MED13L: variants seen among roughly 807,000 people sequenced by gnomAD.
MED13L encodes the protein mediator complex subunit 13L.
In MED13L, 7 loss-of-function variants were observed where a neutral mutation model predicts 220.9. That is an observed-to-expected ratio of 0.03 (90% CI 0.02 to 0.06). MED13L has a LOEUF of 0.06. MED13L is among the 10% of genes least tolerant of loss of function. MED13L has a pLI of 1.00. For synonymous variants in MED13L, 1,011 were observed against 1,015.2 expected, an observed-to-expected ratio of 1.00 and a Z score of 0.08; for missense variants, 1,965 against 2,760.5, an observed-to-expected ratio of 0.71 and a Z score of 6.46.
chr12:116,074,576 T>C (rs1050342293), intron 4 of MED13L, among the ~76,000 whole-genome samples: 1 of 152,244 alleles, frequency 6.6e-6, no homozygotes, highest in Non-Finnish European at 1.5e-5. Context: ...GAAATGTATC[T>C]GTCCTCCAAA....
intron 8 of MED13L, among the ~76,000 whole-genome samples, chr12:116,013,572 C>G (rs531050840): frequency 2.2e-4 from 33 of 152,180 alleles, no homozygotes; most frequent in Non-Finnish European, 4.1e-4. Context: ...ATCCCAAACA[C>G]TTCCGGTCCC....
At chr12:115,975,492 C>T (rs1565987650) in intron 24 of MED13L, 23 bp downstream of exon 24, 2 of 1,606,966 alleles carry the variant, frequency 1.2e-6, no homozygotes, top group South Asian at 1.1e-5. Context: ...TTTACATGCA[C>T]CATAAACATC....
At chr12:116,192,965 T>C (rs1881376001) in intron 2 of MED13L, among the ~76,000 whole-genome samples, 1 of 152,182 alleles carries the variant, frequency 6.6e-6, no homozygotes, top group Admixed American at 6.5e-5. Flanking sequence ...ACCGCGTCTC[T>C]ATTAAAAATA....
At chr12:115,968,065 C>CCCCCG (rs1555240719) in intron 28 of MED13L, among the ~76,000 whole-genome samples, 3 of 138,404 alleles carry the variant, frequency 2.2e-5, no homozygotes, top group African/African-American at 8.0e-5. Context: ...CCCCCCCCCC[C>CCCCCG]CCGATGAAAA....
chr12:116,115,095 G>C (rs572900504), intron 2 of MED13L, among the ~76,000 whole-genome samples: 1 of 152,184 alleles, frequency 6.6e-6, no homozygotes, highest in Non-Finnish European at 1.5e-5. Context: ...AAAGGAACTA[G>C]AACCACCAGA....
chr12:116,150,731 A>G (rs903479679), intron 2 of MED13L, among the ~76,000 whole-genome samples: 1 of 152,208 alleles, frequency 6.6e-6, no homozygotes, highest in Non-Finnish European at 1.5e-5. Context: ...AAAATAGTGA[A>G]AACTTATTTT....
At chr12:116,197,722 G>A (rs1304205516) in intron 2 of MED13L, among the ~76,000 whole-genome samples, 1 of 151,484 alleles carries the variant, frequency 6.6e-6, no homozygotes, top group Non-Finnish European at 1.5e-5. Context: ...CAGAGATTGT[G>A]CCATTGCACT....
chr12:116,159,494 A>G (rs1335010718), intron 2 of MED13L, among the ~76,000 whole-genome samples: 1 of 152,212 alleles, frequency 6.6e-6, no homozygotes, highest in East Asian at 1.9e-4. Flanking sequence ...TAGAAAGGTG[A>G]GCAGGTAATT....
At position 115,968,924 on chromosome 12, in the gene MED13L, T is replaced by G; in HGVS notation, c.6225+16A>C. 1 of 1,613,884 alleles carries G rather than the reference T, an allele frequency of 6.2e-7. No homozygotes were observed. Among genetic ancestry groups the G allele is most frequent in the Non-Finnish European group, 8.5e-7 (1 of 1,179,850 alleles). On this transcript the variant is annotated intron_variant, in intron 28 of 30. Coordinates refer to ENST00000281928, the MANE Select transcript of MED13L (RefSeq NM_015335.5). Reference sequence around the variant, plus strand: ...GCTATGGTTGTCTTAAACAACGTACTCCAAATCATCCTTACCCGACTATGC... The same window carrying G: ...GCTATGGTTGTCTTAAACAACGTACGCCAAATCATCCTTACCCGACTATGC...
chr12:116,148,074 A>AAAAAAAAAAAGG (rs1377801971), intron 2 of MED13L, among the ~76,000 whole-genome samples: 1 of 98,338 alleles, frequency 1.0e-5, no homozygotes, highest in African/African-American at 3.9e-5. Flanking sequence ...AAAAAAAAAA[A>AAAAAAAAAAAGG]GAGGGGGGCG....
intron 4 of MED13L, among the ~76,000 whole-genome samples, chr12:116,032,072 G>C (rs909186290): frequency 1.3e-5 from 2 of 152,060 alleles, no homozygotes; most frequent in Non-Finnish European, 2.9e-5. Context: ...ATAAAAGACA[G>C]CTTAGGTTTC....
At chr12:116,040,972 C>T (rs1203349173) in intron 4 of MED13L, among the ~76,000 whole-genome samples, 1 of 152,130 alleles carries the variant, frequency 6.6e-6, no homozygotes, top group African/African-American at 2.4e-5. Flanking sequence ...GCTTCTCAAG[C>T]CCATTTCCCC....
At chr12:116,189,100 T>C (rs78981510) in intron 2 of MED13L, among the ~76,000 whole-genome samples, 2,592 of 152,300 alleles carry the variant, frequency 0.017, 36 homozygotes, top group Middle Eastern at 0.027. Flanking sequence ...TAAATGATAG[T>C]TGGCATGTTT....
chr12:115,995,175 A>G (rs1198918829), intron 16 of MED13L, among the ~76,000 whole-genome samples: 1 of 152,146 alleles, frequency 6.6e-6, no homozygotes, highest in Non-Finnish European at 1.5e-5. Flanking sequence ...ATTTTACAGA[A>G]GGTCACAAAC....
Position 116,233,090 on chromosome 12 carries a change from GAAAAAA to G in MED13L, c.310+4372_310+4377del, listed in dbSNP as rs530903194. ...CAACAGAGCAAGACTCTGTCTAAAG[GAAAAAA>G]AAAAAAAAAAAAAAGTAAGAAGTAT... On this transcript the variant is annotated intron_variant, in intron 2 of 30. Transcript: ENST00000281928. Among the ~76,000 whole-genome samples the G allele has an allele frequency of 8.4e-5, 7 of 82,952 alleles. 1 individual carries two copies. Among genetic ancestry groups the G allele is most frequent in the Non-Finnish European group, 2.5e-5 (1 of 40,710 alleles). 54.4% of individuals were successfully genotyped at this position (82,952 alleles called of 152,430 possible). A position where few individuals can be genotyped will look rare whatever the true frequency, so the allele number is the denominator to read the frequency against.
chr12:115,984,229 G>T lies in MED13L; in HGVS notation c.4482C>A (p.Asp1494Glu). The T allele has an allele frequency of 6.2e-7, 1 of 1,613,944 alleles. No individual in the cohort carries two copies. Among genetic ancestry groups the T allele is most frequent in the Non-Finnish European group, 8.5e-7 (1 of 1,179,952 alleles). The change falls in exon 20 of 31, where the codon GAC becomes GAA. Residue 1494 changes from aspartate (D) to glutamate (E), a missense_variant. Physicochemically the swap from Asp to Glu is conservative, Grantham distance 45. Around this residue, in one of 10 missense-constraint regions of MED13L, gnomAD observed 510 missense variants for 620.4 expected, o/e 0.82. Transcript: ENST00000281928. ...CATAAAGTTTGAGTCTGGAATGATT[G>T]TCATTCTCCTCGCCGCTCCAAGGCT... ...FNQPWSGEEN[D>E]NHSRLKLYAQ...
chr12:116,212,763 A>T (rs1044157878), intron 2 of MED13L, among the ~76,000 whole-genome samples: 3 of 152,246 alleles, frequency 2.0e-5, no homozygotes, highest in Admixed American at 6.5e-5. Flanking sequence ...CAACAGGCTT[A>T]AAATACTATC....
chr12:116,064,133 G>C (rs529494442), intron 4 of MED13L, among the ~76,000 whole-genome samples: 34 of 151,880 alleles, frequency 2.2e-4, no homozygotes, highest in Non-Finnish European at 3.7e-4. Flanking sequence ...AGTCTGCAGT[G>C]AGCCACGAAT....
intron 2 of MED13L, among the ~76,000 whole-genome samples, chr12:116,180,762 T>C (rs1449695694): frequency 6.6e-6 from 1 of 152,174 alleles, no homozygotes. Context: ...CTTGATTAAG[T>C]GGTTTCAGTA....
Sources: gnomAD v4.1 joint callset for allele counts (sites outside exome capture counted in the v4.1 genomes callset) on GRCh38, gnomAD v4.1.1 for gene constraint, gnomAD v4.1.1 regional missense constraint, MANE v1.5 for transcripts, NCBI Gene and HGNC (gene_info 2026-07-23, HGNC 2026-07-21) for gene names.